Variants in ANO3 observed in about 807,000 individuals in gnomAD.
ANO3 encodes anoctamin 3.
In ANO3, 99 loss-of-function variants were observed where a neutral mutation model predicts 144.8. That is an observed-to-expected ratio of 0.68 (90% confidence interval 0.58 to 0.81). ANO3 has a LOEUF of 0.81. ANO3 is among the 30% of genes least tolerant of loss of function. ANO3 has a pLI of 0.00. For missense variants in ANO3, 905 were observed against 1,202.2 expected, an observed-to-expected ratio of 0.75 and a Z score of 3.66; for synonymous variants, 414 against 392.6, an observed-to-expected ratio of 1.05 and a Z score of -0.64.
chr11:26,346,630 C>T (rs1338254643), intron 1 of ANO3, among the ~76,000 whole-genome samples: 1 of 152,138 alleles, frequency 6.6e-6, no homozygotes, highest in Admixed American at 6.5e-5. Context: ...AACCAGAGAT[C>T]ATGAAGTGAC....
chr11:26,267,477 ATAT>A (rs1853341713), intron 1 of ANO3, among the ~76,000 whole-genome samples: 1 of 152,198 alleles, frequency 6.6e-6, no homozygotes, highest in African/African-American at 2.4e-5. Context: ...CATTTTTAAA[ATAT>A]TATCTGCTGC....
intron 1 of ANO3, among the ~76,000 whole-genome samples, chr11:26,341,215 C>G (rs1010752512): frequency 1.4e-4 from 21 of 151,658 alleles, no homozygotes; most frequent in African/African-American, 5.1e-4. Context: ...CTCAGAATGA[C>G]TTGAAAAAAA....
intron 5 of ANO3, among the ~76,000 whole-genome samples, chr11:26,509,054 A>G (rs1301175613): frequency 6.7e-6 from 1 of 149,202 alleles, no homozygotes; most frequent in Non-Finnish European, 1.5e-5. Context: ...AAAATTAGCC[A>G]TGATATATAT....
intron 1 of ANO3, among the ~76,000 whole-genome samples, chr11:26,212,353 T>G (rs1301649408): frequency 1.4e-5 from 2 of 147,694 alleles, no homozygotes; most frequent in Non-Finnish European, 3.0e-5. Context: ...CCAGGAGCTG[T>G]TTTTTTTTCA....
intron 1 of ANO3, among the ~76,000 whole-genome samples, chr11:26,375,355 A>G (rs1856376507): frequency 6.6e-6 from 1 of 152,308 alleles, no homozygotes; most frequent in South Asian, 2.1e-4. Flanking sequence ...ACCATGGACC[A>G]GTACCAGTCT....
chr11:26,598,693 C>T (rs544403893), intron 15 of ANO3, among the ~76,000 whole-genome samples, 165 bp from the exon 16 acceptor site: 25 of 152,038 alleles, frequency 1.6e-4, no homozygotes, highest in African/African-American at 5.6e-4. Flanking sequence ...CAATACTGCT[C>T]GGGATTTATT....
chr11:26,565,626 G>T, intron 14 of ANO3: 1 of 1,612,194 alleles, frequency 6.2e-7, no homozygotes, highest in Non-Finnish European at 8.5e-7. Context: ...GCTGTTGTTG[G>T]GTAGATTCAA....
chr11:26,616,727 A>T (rs907903129), intron 17 of ANO3, among the ~76,000 whole-genome samples: 1 of 152,144 alleles, frequency 6.6e-6, no homozygotes, highest in Non-Finnish European at 1.5e-5. Flanking sequence ...TTTGAACAGA[A>T]TGGGAGGTTT....
At chr11:26,213,745 A>T (rs931158394) in intron 1 of ANO3, among the ~76,000 whole-genome samples, 1 of 152,108 alleles carries the variant, frequency 6.6e-6, no homozygotes, top group Non-Finnish European at 1.5e-5. Flanking sequence ...TCAAGCTACC[A>T]CTGACTTTCT....
intron 17 of ANO3, among the ~76,000 whole-genome samples, chr11:26,617,770 A>G (rs1278178570): frequency 6.6e-6 from 1 of 152,238 alleles, no homozygotes; most frequent in Non-Finnish European, 1.5e-5. Flanking sequence ...CAATGTAAGA[A>G]GATGGTTATA....
At position 26,442,020 on chromosome 11, in the gene ANO3, T is replaced by G; in HGVS notation, c.149T>G (p.Leu50Trp). The G allele has an allele frequency of 6.2e-7, 1 of 1,614,190 alleles. No homozygotes were observed. Among genetic ancestry groups the G allele is most frequent in the South Asian group, 1.1e-5 (1 of 91,078 alleles). ...LAQSYAYSKS[L>W]SQSTSLFQST... ...CAGAGCTACGCTTACTCAAAGAGCT[T>G]GAGCCAGTCTACTTCCCTCTTCCAG... The change falls in exon 2 of 27, where the codon TTG (leucine) becomes TGG (tryptophan). Residue 50 changes from leucine (L) to tryptophan (W), a missense_variant. By Grantham distance (61) the Leu-to-Trp change is moderately conservative (BLOSUM62 -2). This residue lies in a region of ANO3 where 174 missense variants were observed against 171.9 expected (regional missense o/e 1.01). Coordinates refer to ENST00000256737, the MANE Select transcript of ANO3 (RefSeq NM_031418.4).
intron 17 of ANO3, 38 bp downstream of exon 17, chr11:26,599,752 A>T (rs758975018): frequency 6.4e-7 from 1 of 1,566,254 alleles, no homozygotes; most frequent in Non-Finnish European, 8.7e-7. Context: ...TAGACAAAAA[A>T]GGGGTGGAAA....
In ANO3 at chr11:26,598,696, G is replaced by T. The variant is rs1851709098; in HGVS notation, c.1531-162G>T. 2.0e-5 allele frequency among the ~76,000 whole-genome samples: 3 copies of T among 152,170 alleles called. No homozygotes were observed. In the South Asian group the frequency reaches 6.2e-4, roughly 32 times the overall value. ...TTATGCTAATTTCAATACTGCTCGG[G>T]ATTTATTTGGAAGGTAATTTGATGT... On this transcript the variant is annotated intron_variant, in intron 15 of 26. Coordinates refer to ENST00000256737, the MANE Select transcript of ANO3 (RefSeq NM_031418.4).
intron 3 of ANO3, among the ~76,000 whole-genome samples, chr11:26,445,724 G>A (rs1858677649): frequency 6.6e-6 from 1 of 152,082 alleles, no homozygotes; most frequent in Non-Finnish European, 1.5e-5. Context: ...TAACTGTGTA[G>A]TATCACTAAG....
intron 1 of ANO3, among the ~76,000 whole-genome samples, chr11:26,224,225 A>T (rs1852209885): frequency 6.6e-6 from 1 of 152,148 alleles, no homozygotes; most frequent in South Asian, 2.1e-4. Flanking sequence ...GTTCACCCAC[A>T]GCTTGTCAGT....
intron 17 of ANO3, among the ~76,000 whole-genome samples, chr11:26,602,367 A>G (rs918747915): frequency 9.2e-5 from 14 of 152,054 alleles, no homozygotes; most frequent in Non-Finnish European, 1.6e-4. Flanking sequence ...ACTTGATGGT[A>G]TTTGATAGGT....
intron 24 of ANO3, among the ~76,000 whole-genome samples, chr11:26,648,735 T>C (rs1329093365): frequency 6.6e-6 from 1 of 152,094 alleles, no homozygotes; most frequent in Non-Finnish European, 1.5e-5. Context: ...TGGAGGCACA[T>C]GAAACAGAGC....
Position 26,455,071 on chromosome 11 carries a change from T to C in ANO3, c.314-7959T>C, listed in dbSNP as rs1259551057. Among the ~76,000 whole-genome samples, 5 of 152,214 alleles carry C rather than the reference T, an allele frequency of 3.3e-5. No individual in the cohort carries two copies. In the East Asian group the frequency reaches 9.7e-4, roughly 29 times the overall value. The stretch of plus-strand genomic sequence containing the variant: ...ATAAATTAGGTATTGATGGGACATA[T>C]CTCAAAATAATAAGAGCTATTTATG... On this transcript the variant is annotated intron_variant, in intron 3 of 26. Transcript: ENST00000256737.
intron 1 of ANO3, among the ~76,000 whole-genome samples, chr11:26,240,647 T>C (rs1247693516): frequency 1.3e-5 from 2 of 152,164 alleles, no homozygotes; most frequent in Non-Finnish European, 2.9e-5. Context: ...CTGTTCGGTT[T>C]TTTACTTCCC....
Sources: allele counts gnomAD v4.1 joint callset (sites outside exome capture counted in the v4.1 genomes callset), GRCh38; gene constraint gnomAD v4.1.1; regional missense constraint gnomAD v4.1.1; transcripts MANE v1.5; gene names NCBI Gene and HGNC (gene_info 2026-07-23, HGNC 2026-07-21).